The following BRPF1 variants were observed in gnomAD, a reference collection of about 807,000 sequenced individuals.
BRPF1 encodes the protein bromodomain and PHD finger containing 1.
BRPF1 carries 15 observed loss-of-function variants against 115.0 expected under a neutral mutation model. The observed-to-expected ratio is 0.13, with a 90% CI of 0.09 to 0.20. The LOEUF (loss-of-function observed/expected upper bound fraction) is 0.20, where lower values mean the gene tolerates loss of function less well. BRPF1 is among the 10% of genes least tolerant of loss of function. The pLI is 1.00. For synonymous variants in BRPF1, 647 were observed against 619.8 expected, an observed-to-expected ratio of 1.04 and a Z score of -0.65; for missense variants, 1,118 against 1,638.3, an observed-to-expected ratio of 0.68 and a Z score of 5.48.
chr3:9,741,654 A>G (rs1229683320), intron 5 of BRPF1, among the ~76,000 whole-genome samples: 1 of 151,724 alleles, frequency 6.6e-6, no homozygotes, highest in Non-Finnish European at 1.5e-5. Context: ...AAAAAAAAAA[A>G]AAGACCCAGG....
chr3:9,745,982 C>T lies in BRPF1; in HGVS notation c.3324+52C>T. 2 of 1,559,838 alleles carry T rather than the reference C, an allele frequency of 1.3e-6. No individual in the cohort carries two copies. Among genetic ancestry groups the T allele is most frequent in the South Asian group, 2.4e-5 (2 of 84,400 alleles). On this transcript the variant is annotated intron_variant, in intron 12 of 13. Coordinates refer to ENST00000383829, the MANE Select transcript of BRPF1 (RefSeq NM_001003694.2). This position sits in a 1 kb window ranked among gnomAD's most constrained non-coding sequence, Gnocchi z 5.1. ...GCTTTCCAATCCCAGAATACAGATT[C>T]ACAGTTAGCAGACTTTTCCTACTCC...
intron 1 of BRPF1, among the ~76,000 whole-genome samples, chr3:9,733,794 A>C (rs759843372): frequency 6.6e-5 from 10 of 152,204 alleles, no homozygotes; most frequent in Non-Finnish European, 1.0e-4. Context: ...CATCATAGAG[A>C]ATTTGGAATA....
At chr3:9,746,707 G>A (rs2077132781) in intron 13 of BRPF1, among the ~76,000 whole-genome samples, 1 of 152,048 alleles carries the variant, frequency 6.6e-6, no homozygotes, top group Non-Finnish European at 1.5e-5. Context: ...TATAGAGGTG[G>A]CTCCCACCCA....
At chr3:9,742,564 C>T (rs1472338125) in intron 6 of BRPF1, 1 of 983,956 alleles carries the variant, frequency 1.0e-6, no homozygotes, top group Non-Finnish European at 1.2e-6. Flanking sequence ...AGGCCTGAGG[C>T]AGCAGCCTCC....
Position 9,747,513 on chromosome 3 carries a change from G to A in BRPF1, c.*164G>A. 1.3e-6 allele frequency: 1 copy of A among 758,412 alleles called. No individual in the cohort carries two copies. Among genetic ancestry groups the A allele is most frequent in the African/African-American group, 1.8e-5 (1 of 57,066 alleles). The allele number at this position is 758,412 out of a possible 1,614,324, so 47.0% of individuals were successfully genotyped here. A position where few individuals can be genotyped will look rare whatever the true frequency, so the allele number is the denominator to read the frequency against. On this transcript the variant is annotated 3_prime_UTR_variant, in exon 14 of 14. Coordinates refer to ENST00000383829, the MANE Select transcript of BRPF1 (RefSeq NM_001003694.2). The surrounding 1 kb of genome is among the most constrained non-coding windows in gnomAD (Gnocchi z 5.6). ...GGTCCCTCCTGCCCTAAGTGCAGCT[G>A]GACTGTACAGAACACTCCAAGGGCC...
rs142213134 is a variant in BRPF1, at chr3:9,743,582, C to T, written c.2316C>T (p.Ala772=). Residue 772 remains alanine, a synonymous_variant, in exon 8 of 14, where the codon GCC becomes GCT. Transcript: ENST00000383829. This position sits in a 1 kb window ranked among gnomAD's most constrained non-coding sequence, Gnocchi z 6.1. ...CCCCTCCAACCCTACCCCTAGCAGC[C>T]GAGGAAGAGCGGCTGGTCTTGCTGG... ...DEATHHTEDA[A]EEERLVLLEN... is the part of the protein sequence containing the mutation. The T allele has an allele frequency of 3.1e-4, 493 of 1,611,936 alleles. 1 individual carries two copies. In the Admixed American group the frequency reaches 3.3e-3, roughly 11 times the overall value.
rs777293104 is a variant in BRPF1 at position 9,746,026 on chromosome 3, CAG to C, written c.3324+99_3324+100del. On this transcript the variant is annotated intron_variant, in intron 12 of 13. Coordinates refer to ENST00000383829, the MANE Select transcript of BRPF1 (RefSeq NM_001003694.2). ...CTACTCCCTGCTGAGCTGTGGGGCA[CAG>C]AGTTTCTTGGTAAGGTAGACTGGTG... 221 of 1,397,680 alleles carry C rather than the reference CAG, an allele frequency of 1.6e-4. 1 individual carries two copies. The Middle Eastern group carries it at 1.7e-3, about 11-fold the overall frequency. 86.6% of individuals were successfully genotyped at this position (1,397,680 alleles called of 1,614,324 possible). A position where few individuals can be genotyped will look rare whatever the true frequency, so the allele number is the denominator to read the frequency against.
intron 3 of BRPF1, 90 bp from the exon 4 acceptor site, chr3:9,740,689 C>CGA: frequency 6.7e-7 from 1 of 1,489,272 alleles, no homozygotes; most frequent in South Asian, 1.2e-5. Context: ...CCTTCATCCC[C>CGA]ATTCAGGAAC....
At chr3:9,744,914 G>A (rs967832093) in intron 9 of BRPF1, 94 bp from the exon 10 acceptor site, 14 of 1,555,078 alleles carry the variant, frequency 9.0e-6, no homozygotes, top group Non-Finnish European at 1.2e-5. Flanking sequence ...CACAGAAGGG[G>A]AACCCAAGCT....
chr3:9,732,302 G>C (rs2076865633), intron 1 of BRPF1, among the ~76,000 whole-genome samples, 164 bp downstream of exon 1: 1 of 152,246 alleles, frequency 6.6e-6, no homozygotes, highest in Admixed American at 6.5e-5. Context: ...GGGCAACAGT[G>C]TATCTTTCGG....
At chr3:9,736,763 A>G (rs1244625630) in intron 2 of BRPF1, among the ~76,000 whole-genome samples, 1 of 152,252 alleles carries the variant, frequency 6.6e-6, no homozygotes, top group Non-Finnish European at 1.5e-5. Flanking sequence ...AGTTTTGGAA[A>G]CGATTTACTT....
In BRPF1 at chr3:9,734,197, A is replaced by G; in HGVS notation, c.57A>G (p.Pro19=). The change falls in exon 2 of 14, where the codon CCA becomes CCG. Residue 19 remains proline, a synonymous_variant. Coordinates refer to ENST00000383829, the MANE Select transcript of BRPF1 (RefSeq NM_001003694.2). This position sits in a 1 kb window ranked among gnomAD's most constrained non-coding sequence, Gnocchi z 5.7. ...TFCHNLRATK[P]PYECPVETCR... ...GCCACAACTTGCGGGCGACTAAGCCACCATACGAGTGCCCGGTGGAGACCT... is the reference window on the plus strand; with the variant it reads ...GCCACAACTTGCGGGCGACTAAGCCGCCATACGAGTGCCCGGTGGAGACCT... 1 of 1,613,532 alleles carries G rather than the reference A, an allele frequency of 6.2e-7. No individual in the cohort carries two copies. The highest frequency in any genetic ancestry group is 1.1e-5 in the South Asian group (1 of 91,018).
In BRPF1 at chr3:9,743,742, C is replaced by T. The variant is rs2077072474; in HGVS notation, c.2476C>T (p.Arg826Trp). 1 of 1,614,060 alleles carries T rather than the reference C, an allele frequency of 6.2e-7. No homozygotes were observed. Residue 826 changes from arginine to tryptophan, a missense_variant, in exon 8 of 14, where the codon CGG (arginine) becomes TGG (tryptophan). Physicochemically the swap from Arg to Trp is moderately radical, Grantham distance 101 (BLOSUM62 -3). Transcript: ENST00000383829. This position sits in a 1 kb window ranked among gnomAD's most constrained non-coding sequence, Gnocchi z 6.1. ...GATCAAGAAAGAGATGACGGCACTGCGGCGGAAGCTTGCCCATCAGCGAGA... is the reference window on the plus strand; with the variant it reads ...GATCAAGAAAGAGATGACGGCACTGTGGCGGAAGCTTGCCCATCAGCGAGA... ...KMIKKEMTAL[R>W]RKLAHQRETG...
At position 9,745,479 on chromosome 3, in the gene BRPF1, C is replaced by G. The variant is rs2077107601; in HGVS notation, c.3069-94C>G. ...TATAGCCTCTGCTTTCCAAAAGTCT[C>G]AGACCCTGCGGGCTTTAAGAGCTGA... On this transcript the variant is annotated intron_variant, in intron 10 of 13. Coordinates refer to ENST00000383829, the MANE Select transcript of BRPF1 (RefSeq NM_001003694.2). The surrounding 1 kb of genome is among the most constrained non-coding windows in gnomAD (Gnocchi z 5.1). 1 of 1,426,222 alleles carries G rather than the reference C, an allele frequency of 7.0e-7. No individual in the cohort carries two copies. The highest frequency in any genetic ancestry group is 9.8e-7 in the Non-Finnish European group (1 of 1,024,882). The allele number at this position is 1,426,222 out of a possible 1,614,324, so 88.3% of individuals were successfully genotyped here.
intron 13 of BRPF1, among the ~76,000 whole-genome samples, chr3:9,746,896 A>G (rs1000085562): frequency 3.3e-5 from 5 of 152,188 alleles, no homozygotes; most frequent in Non-Finnish European, 7.4e-5. Context: ...CCTAGAGCCT[A>G]TGGCACAGGG....
At position 9,734,398 on chromosome 3, in the gene BRPF1, C is replaced by A; in HGVS notation, c.258C>A (p.Gly86=). The A allele has an allele frequency of 1.2e-6, 2 of 1,614,026 alleles. No homozygotes were observed. The highest frequency in any genetic ancestry group is 2.2e-5 in the East Asian group (1 of 44,866). The change falls in exon 2 of 14, where the codon GGC becomes GGA. Residue 86 remains glycine (G), a synonymous_variant. Coordinates refer to ENST00000383829, the MANE Select transcript of BRPF1 (RefSeq NM_001003694.2). The surrounding 1 kb of genome is among the most constrained non-coding windows in gnomAD (Gnocchi z 5.7). ...PSPSEVSQSP[G]REVMSYAQAQ... is the part of the protein sequence containing the mutation. ...CCTCAGAGGTCTCACAGTCACCAGG[C>A]CGTGAGGTGATGAGCTATGCACAGG...
At chr3:9,740,129 CTT>C (rs1559660764) in intron 3 of BRPF1, among the ~76,000 whole-genome samples, 171 bp downstream of exon 3, 1 of 152,256 alleles carries the variant, frequency 6.6e-6, no homozygotes, top group South Asian at 2.1e-4. Flanking sequence ...GGTCACCTGA[CTT>C]TCACATTAAG....
rs2076911378 is a variant in BRPF1 at position 9,734,704 on chromosome 3, C to T, written c.564C>T (p.Thr188=). ...TCTATCGGGAGCTGGAACAGGACAC[C>T]CCTGATGCCCCACCCCGGCCAACTT... is the stretch of plus-strand genomic sequence containing the variant. ...EVVYRELEQD[T]PDAPPRPTSY... is the part of the protein sequence containing the mutation. Residue 188 remains threonine, a synonymous_variant, in exon 2 of 14, where the codon ACC becomes ACT. Coordinates refer to ENST00000383829, the MANE Select transcript of BRPF1 (RefSeq NM_001003694.2). The surrounding 1 kb of genome is among the most constrained non-coding windows in gnomAD (Gnocchi z 5.7). 1.2e-6 allele frequency: 2 copies of T among 1,614,140 alleles called. No individual in the cohort carries two copies. The highest frequency in any genetic ancestry group is 1.3e-5 in the African/African-American group (1 of 75,022).
chr3:9,732,581 T>C (rs79380615), intron 1 of BRPF1: 5,802 of 152,370 alleles, frequency 0.038, 140 homozygotes, highest in South Asian at 0.076. Flanking sequence ...AAGGGGAGAT[T>C]GCTGATTCGC....
Sources: allele counts gnomAD v4.1 joint callset (sites outside exome capture counted in the v4.1 genomes callset), GRCh38; gene constraint gnomAD v4.1.1; non-coding constraint Gnocchi (gnomAD v3.1); transcripts MANE v1.5; gene names NCBI Gene and HGNC (gene_info 2026-07-23, HGNC 2026-07-21).